Variants in PXDN observed in about 807,000 individuals in gnomAD.
The protein encoded by PXDN is peroxidasin.
A neutral mutation model predicts 140.3 loss-of-function variants in PXDN; 77 were observed. The observed-to-expected ratio is 0.55, with a 90% CI of 0.46 to 0.66. The LOEUF (loss-of-function observed/expected upper bound fraction) is 0.66. PXDN is among the 30% of genes least tolerant of loss of function. The probability of loss-of-function intolerance (pLI) is 0.00; values close to 1 mark genes in which losing one functional copy is unlikely to be tolerated. For missense variants in PXDN, 1,838 were observed against 2,039.5 expected (o/e 0.90, Z 1.90); for synonymous variants, 911 against 857.4 (o/e 1.06, Z -1.09).
Position 1,654,478 on chromosome 2 carries a change from A to G in PXDN, c.1868T>C (p.Phe623Ser). 3.1e-6 allele frequency: 5 copies of G among 1,613,616 alleles called. No individual in the cohort carries two copies. The highest frequency in any genetic ancestry group is 4.2e-6 in the Non-Finnish European group (5 of 1,179,572). The change falls in exon 15 of 23, where the codon TTT (phenylalanine) becomes TCT (serine). Residue 623 changes from phenylalanine to serine, a missense_variant. By Grantham distance (155) the Phe-to-Ser change is radical (BLOSUM62 -2). Coordinates refer to ENST00000252804, the MANE Select transcript of PXDN (RefSeq NM_012293.3). ...VPDVSRNGDPFVATSIVEAIA... is the reference protein window; with the variant it reads ...VPDVSRNGDPSVATSIVEAIA... Reference sequence around the variant, plus strand: ...CGCTTCCACGATGGAGGTAGCTACAAACGGATCTCCATTTCGACTGACGTC... The same window carrying G: ...CGCTTCCACGATGGAGGTAGCTACAGACGGATCTCCATTTCGACTGACGTC...
At chr2:1,708,621 C>T (rs373820754) in intron 1 of PXDN, among the ~76,000 whole-genome samples, 7 of 152,166 alleles carry the variant, frequency 4.6e-5, no homozygotes, top group African/African-American at 1.7e-4. Context: ...CACCCAGAAC[C>T]CCCGACTCGC....
intron 12 of PXDN, 92 bp from the exon 13 acceptor site, chr2:1,662,276 C>T (rs142452715): frequency 9.4e-7 from 1 of 1,065,902 alleles, no homozygotes; most frequent in Non-Finnish European, 1.4e-6. Context: ...ATCAGGCCCA[C>T]TCAGGGATGC....
chr2:1,673,007 T>TA (rs1333551885), intron 9 of PXDN, among the ~76,000 whole-genome samples: 1 of 152,080 alleles, frequency 6.6e-6, no homozygotes, highest in Non-Finnish European at 1.5e-5. Context: ...CCATGGTGGG[T>TA]ACACCCAATG....
intron 8 of PXDN, among the ~76,000 whole-genome samples, chr2:1,675,798 CG>C (rs1683690747): frequency 1.0e-5 from 1 of 100,214 alleles, no homozygotes; most frequent in African/African-American, 7.0e-5. Flanking sequence ...AGTTTGAGCC[CG>C]AGTATCAAAC....
Position 1,648,556 on chromosome 2 carries a change from G to T in PXDN, c.3224C>A (p.Thr1075Lys). 1.9e-6 allele frequency: 3 copies of T among 1,613,804 alleles called. No individual in the cohort carries two copies. Among genetic ancestry groups the T allele is most frequent in the Non-Finnish European group, 2.5e-6 (3 of 1,179,902 alleles). Residue 1075 changes from threonine to lysine, a missense_variant, in exon 17 of 23, where the codon ACG (threonine) becomes AAG (lysine). Physicochemically the swap from Thr to Lys is moderately conservative, Grantham distance 78. Coordinates refer to ENST00000252804, the MANE Select transcript of PXDN (RefSeq NM_012293.3). The surrounding 1 kb of genome is among the most constrained non-coding windows in gnomAD (Gnocchi z 8.9). Reference protein sequence around the residue: ...FATAAFRFGHTLVNPLLYRLD... With the variant: ...FATAAFRFGHKLVNPLLYRLD... ...CCGGTAAAGCAGTGGGTTGACAAGCGTGTGGCCAAACCTGAAGGCCGCGGT... is the reference window on the plus strand; with the variant it reads ...CCGGTAAAGCAGTGGGTTGACAAGCTTGTGGCCAAACCTGAAGGCCGCGGT...
rs1237280868 is a variant in PXDN, at chr2:1,639,842, A to G, written c.3953-420T>C. ...CTGGAGTGCCTTAAAATTATGCTACACTCCCTACGTCACACTGCCAGCCCC... is the reference window on the plus strand; with the variant it reads ...CTGGAGTGCCTTAAAATTATGCTACGCTCCCTACGTCACACTGCCAGCCCC... On this transcript the variant is annotated intron_variant, in intron 19 of 22. Transcript: ENST00000252804. This position sits in a 1 kb window ranked among gnomAD's most constrained non-coding sequence, Gnocchi z 5.0. 2.6e-5 allele frequency among the ~76,000 whole-genome samples: 4 copies of G among 151,842 alleles called. No individual in the cohort carries two copies. In the East Asian group the frequency reaches 7.8e-4, roughly 29 times the overall value.
intron 1 of PXDN, among the ~76,000 whole-genome samples, chr2:1,719,011 C>T (rs768561536): frequency 4.6e-5 from 7 of 152,238 alleles, no homozygotes; most frequent in Admixed American, 2.0e-4. Flanking sequence ...CTGACAGCCA[C>T]GCAAGGTCCC....
At position 1,648,479 on chromosome 2, in the gene PXDN, C is replaced by A; in HGVS notation, c.3301G>T (p.Ala1101Ser). ...IAQDHLPLHK[A>S]FFSPFRIVNE... ...ACAATCCGGAAGGGAGAGAAGAAAG[C>A]TTTGTGAAGGGGGAGGTGATCTTGT... The change falls in exon 17 of 23, where the codon GCT (alanine) becomes TCT (serine). Residue 1101 changes from alanine (A) to serine (S), a missense_variant. Physicochemically the swap from Ala to Ser is moderately conservative, Grantham distance 99. Coordinates refer to ENST00000252804, the MANE Select transcript of PXDN (RefSeq NM_012293.3). This position sits in a 1 kb window ranked among gnomAD's most constrained non-coding sequence, Gnocchi z 8.9. 1 of 1,611,356 alleles carries A rather than the reference C, an allele frequency of 6.2e-7. No individual in the cohort carries two copies. Among genetic ancestry groups the A allele is most frequent in the South Asian group, 1.1e-5 (1 of 91,064 alleles).
In PXDN at chr2:1,666,237, G is replaced by A. The variant is rs1189220566; in HGVS notation, c.1268C>T (p.Ala423Val). The A allele has an allele frequency of 6.2e-7, 1 of 1,614,046 alleles. No individual in the cohort carries two copies. Residue 423 changes from alanine to valine, a missense_variant, in exon 10 of 23, where the codon GCC becomes GTC. By Grantham distance (64) the Ala-to-Val change is moderately conservative (BLOSUM62 0). Transcript: ENST00000252804. Reference sequence around the variant, plus strand: ...ACCCTGGACGATGATGAAAGCGGTGGCATGGACGCTGTCAATGTTGTTGGT... The same window carrying A: ...ACCCTGGACGATGATGAAAGCGGTGACATGGACGCTGTCAATGTTGTTGGT... ...SATNNIDSVH[A>V]TAFIIVQALP...
At chr2:1,670,925 T>C (rs2125431969) in intron 9 of PXDN, among the ~76,000 whole-genome samples, 1 of 152,152 alleles carries the variant, frequency 6.6e-6, no homozygotes, top group African/African-American at 2.4e-5. Flanking sequence ...CAAAATCCGG[T>C]CCTCACGTGA....
chr2:1,704,690 A>G (rs1159149128), intron 1 of PXDN, among the ~76,000 whole-genome samples: 1 of 146,160 alleles, frequency 6.8e-6, no homozygotes, highest in Non-Finnish European at 1.5e-5. Context: ...GAGGGGAGGG[A>G]GCTTCCAGGT....
chr2:1,686,888 C>T (rs1447045329), intron 4 of PXDN, among the ~76,000 whole-genome samples: 2 of 152,208 alleles, frequency 1.3e-5, no homozygotes, highest in South Asian at 2.1e-4. Flanking sequence ...CGTCACGCTG[C>T]GTCACAGCAA....
intron 3 of PXDN, 63 bp downstream of exon 3, chr2:1,691,865 C>A: frequency 9.5e-7 from 1 of 1,056,524 alleles, no homozygotes; most frequent in South Asian, 1.7e-5. Context: ...CGAAATTTAG[C>A]TCTATTTTTA....
At chr2:1,720,054 A>G (rs866924846) in intron 1 of PXDN, among the ~76,000 whole-genome samples, 1 of 32,630 alleles carries the variant, frequency 3.1e-5, no homozygotes, top group African/African-American at 1.9e-4. Context: ...AGAGAGAGAG[A>G]GAGGGAGGGA....
intron 17 of PXDN, among the ~76,000 whole-genome samples, chr2:1,647,428 T>G (rs1298854421): frequency 1.3e-5 from 2 of 152,144 alleles, no homozygotes; most frequent in Non-Finnish European, 2.9e-5. Context: ...GCCTGGGTAG[T>G]GCTGTGGTCA....
Position 1,649,178 on chromosome 2 carries a change from G to A in PXDN, c.2602C>T (p.Arg868Trp), listed in dbSNP as rs1276523567. 1.9e-6 allele frequency: 3 copies of A among 1,609,440 alleles called. No individual in the cohort carries two copies. Among genetic ancestry groups the A allele is most frequent in the East Asian group, 2.3e-5 (1 of 44,324 alleles). ...FSVMIPPNDS[R>W]ARSGARCMFF... The stretch of plus-strand genomic sequence containing the variant: ...ATGCAGCGGGCCCCGCTCCTGGCCC[G>A]GGAGTCATTGGGGGGGATCATGACA... Residue 868 changes from arginine (R) to tryptophan (W), a missense_variant, in exon 17 of 23, where the codon CGG becomes TGG. Arg to Trp is a moderately radical substitution (Grantham distance 101). This residue lies in a region of PXDN where 850 missense variants were observed against 894.1 expected (regional missense o/e 0.95). Transcript: ENST00000252804. The surrounding 1 kb of genome is among the most constrained non-coding windows in gnomAD (Gnocchi z 7.1).
intron 1 of PXDN, among the ~76,000 whole-genome samples, chr2:1,696,827 C>T (rs1252925674): frequency 2.0e-5 from 3 of 152,162 alleles, no homozygotes; most frequent in African/African-American, 7.2e-5. Context: ...TGCTCCAGAG[C>T]AACAGAAAGG....
chr2:1,728,872 T>C (rs185378158), intron 1 of PXDN, among the ~76,000 whole-genome samples: 153 of 152,330 alleles, frequency 1.0e-3, no homozygotes, highest in African/African-American at 3.3e-3. Flanking sequence ...GCCACAGATA[T>C]AGCCCTGCGA....
At chr2:1,637,968 C>T (rs1265630886) in intron 21 of PXDN, among the ~76,000 whole-genome samples, 4 of 151,646 alleles carry the variant, frequency 2.6e-5, no homozygotes, top group Non-Finnish European at 5.9e-5. Flanking sequence ...CTCAAGGCTG[C>T]AGAGGCAGGA....
Sources: allele counts gnomAD v4.1 joint callset (sites outside exome capture counted in the v4.1 genomes callset), GRCh38; gene constraint gnomAD v4.1.1; regional missense constraint gnomAD v4.1.1; non-coding constraint Gnocchi (gnomAD v3.1); transcripts MANE v1.5; gene names NCBI Gene and HGNC (gene_info 2026-07-23, HGNC 2026-07-21).